Variants in DDAH1 observed in about 807,000 individuals in gnomAD.
The protein encoded by DDAH1 is dimethylarginine dimethylaminohydrolase 1, also known as N(G),N(G)-dimethylarginine dimethylaminohydrolase 1.
DDAH1 carries 19 observed loss-of-function variants against 28.8 expected under a neutral mutation model. The observed-to-expected ratio is 0.66, with a 90% CI of 0.46 to 0.97. The LOEUF (loss-of-function observed/expected upper bound fraction) is 0.97, where lower values mean the gene tolerates loss of function less well. DDAH1 is among the 50% of genes least tolerant of loss of function. The pLI, the probability that DDAH1 is intolerant of heterozygous loss-of-function variation, is 0.00. For synonymous variants in DDAH1, 153 were observed against 154.4 expected, an observed-to-expected ratio of 0.99 and a Z score of 0.07; for missense variants, 326 against 375.9, an observed-to-expected ratio of 0.87 and a Z score of 1.10.
intron 2 of DDAH1, chr1:85,495,317 A>G (rs1656550460): frequency 6.6e-6 from 1 of 152,220 alleles, no homozygotes; most frequent in South Asian, 2.1e-4. Flanking sequence ...TGTTATTCCA[A>G]GCAAAGTCAT....
chr1:85,360,656 T>G (rs1405536272), intron 1 of DDAH1, among the ~76,000 whole-genome samples: 2 of 152,190 alleles, frequency 1.3e-5, no homozygotes, highest in African/African-American at 4.8e-5. Context: ...ATAACATAAA[T>G]TTTGGTTTGA....
chr1:85,440,022 A>G (rs604974), intron 1 of DDAH1, among the ~76,000 whole-genome samples: 124,414 of 152,074 alleles, frequency 0.82, 51,081 homozygotes, highest in Middle Eastern at 0.91. Flanking sequence ...TTCTACTTGG[A>G]AACCTGGATG....
chr1:85,346,336 T>C (rs1481694708), intron 4 of DDAH1, among the ~76,000 whole-genome samples: 1 of 152,020 alleles, frequency 6.6e-6, no homozygotes, highest in Non-Finnish European at 1.5e-5. Flanking sequence ...AAAATAAATA[T>C]CTGGTACCAA....
intron 1 of DDAH1, chr1:85,399,957 G>T (rs1335391819): frequency 1.3e-5 from 2 of 152,054 alleles, no homozygotes; most frequent in African/African-American, 4.8e-5. Flanking sequence ...AGCCAACCGT[G>T]ATCTTTAAAA....
intron 1 of DDAH1, among the ~76,000 whole-genome samples, chr1:85,409,648 GCTAC>G (rs1245529479): frequency 6.6e-6 from 1 of 152,060 alleles, no homozygotes; most frequent in Non-Finnish European, 1.5e-5. Context: ...TTGGTAAAGG[GCTAC>G]CTGACTTCCA....
At chr1:85,490,910 T>C (rs1026774488) in intron 2 of DDAH1, among the ~76,000 whole-genome samples, 4 of 152,222 alleles carry the variant, frequency 2.6e-5, no homozygotes, top group African/African-American at 7.2e-5. Context: ...TCTGAGATTC[T>C]GGCCTCTTGG....
At chr1:85,378,758 A>G (rs1650814985) in intron 1 of DDAH1, among the ~76,000 whole-genome samples, 1 of 152,158 alleles carries the variant, frequency 6.6e-6, no homozygotes, top group Admixed American at 6.6e-5. Flanking sequence ...GAAATGCCCT[A>G]TTCTATTCTT....
intron 1 of DDAH1, among the ~76,000 whole-genome samples, chr1:85,459,002 T>C (rs1427960173): frequency 2.0e-5 from 3 of 152,204 alleles, no homozygotes; most frequent in Admixed American, 6.5e-5. Context: ...AATTAATAAC[T>C]AGCACTCATT....
At chr1:85,478,070 T>C (rs1292286595) in intron 2 of DDAH1, among the ~76,000 whole-genome samples, 1 of 152,042 alleles carries the variant, frequency 6.6e-6, no homozygotes, top group Non-Finnish European at 1.5e-5. Flanking sequence ...TTTTCAAAAA[T>C]ATAGGGAAAA....
chr1:85,390,248 G>A (rs749838909), intron 1 of DDAH1, among the ~76,000 whole-genome samples: 3 of 152,126 alleles, frequency 2.0e-5, no homozygotes, highest in Non-Finnish European at 4.4e-5. Context: ...GGGTCCCTTG[G>A]TAATGGCCAA....
intron 1 of DDAH1, among the ~76,000 whole-genome samples, chr1:85,551,489 T>G (rs955260843): frequency 6.6e-6 from 1 of 152,176 alleles, no homozygotes; most frequent in Admixed American, 6.6e-5. Flanking sequence ...AGTGTTAGGA[T>G]TTCTAGATCA....
chr1:85,476,392 C>T (rs1655806507), intron 2 of DDAH1, among the ~76,000 whole-genome samples: 1 of 152,178 alleles, frequency 6.6e-6, no homozygotes, highest in Non-Finnish European at 1.5e-5. Flanking sequence ...CTCTGATCCA[C>T]ATGGAGTCCA....
At chr1:85,391,481 A>C (rs902672044) in intron 1 of DDAH1, among the ~76,000 whole-genome samples, 2 of 152,132 alleles carry the variant, frequency 1.3e-5, no homozygotes, top group African/African-American at 4.8e-5. Context: ...TAAATAAATA[A>C]ATATAGAAAA....
chr1:85,514,527 TAA>T (rs34215001), intron 1 of DDAH1, among the ~76,000 whole-genome samples: 8,434 of 126,698 alleles, frequency 0.067, 238 homozygotes, highest in South Asian at 0.12. Context: ...CTTAAAGCAT[TAA>T]AAAAAAAAAA....
chr1:85,331,080 C>T (rs1263349355), intron 4 of DDAH1, among the ~76,000 whole-genome samples: 3 of 152,298 alleles, frequency 2.0e-5, no homozygotes, highest in Admixed American at 6.5e-5. Context: ...CAGGGTGGAG[C>T]TGTCACAAAA....
chr1:85,345,213 G>A (rs12724149), intron 4 of DDAH1, among the ~76,000 whole-genome samples: 185 of 152,148 alleles, frequency 1.2e-3, no homozygotes, highest in Non-Finnish European at 2.3e-3. Context: ...GGGGGGGTTG[G>A]CTTCTTTTGT....
rs570382741 is a variant in DDAH1, at chr1:85,534,370, A to G, written c.-122-38089T>C. On this transcript the variant is annotated intron_variant, in intron 1 of 6. Coordinates refer to the DDAH1 transcript ENST00000426972. Reference sequence around the variant, plus strand: ...AGAAAAAGATGTTTAAAGATGAAGTAATATTTAACACATCCCTTATTTCTG... The same window carrying G: ...AGAAAAAGATGTTTAAAGATGAAGTGATATTTAACACATCCCTTATTTCTG... 1.4e-4 allele frequency among the ~76,000 whole-genome samples: 22 copies of G among 152,308 alleles called. 1 individual carries two copies. The highest frequency in any genetic ancestry group is 5.3e-4 in the African/African-American group (22 of 41,574).
chr1:85,509,264 A>G lies in DDAH1; in HGVS notation c.-122-12983T>C, dbSNP rs568974419. 1.2e-4 allele frequency among the ~76,000 whole-genome samples: 18 copies of G among 152,350 alleles called. No homozygotes were observed. In the East Asian group the frequency reaches 3.5e-3, roughly 29 times the overall value. ...TGCAGCTGAGGGACCTGACTCTTAG[A>G]AGGGAAACTAACAAACAGAAAGGAA... On this transcript the variant is annotated intron_variant, in intron 1 of 6. Coordinates refer to the DDAH1 transcript ENST00000426972.
chr1:85,451,041 C>T (rs912463456), intron 1 of DDAH1, among the ~76,000 whole-genome samples: 1 of 152,192 alleles, frequency 6.6e-6, no homozygotes, highest in Non-Finnish European at 1.5e-5. Context: ...AAGAGACCTG[C>T]CTGTAGAGTG....
Sources: allele counts gnomAD v4.1 joint callset (sites outside exome capture counted in the v4.1 genomes callset), GRCh38; gene constraint gnomAD v4.1.1; transcripts MANE v1.5; gene names NCBI Gene and HGNC (gene_info 2026-07-23, HGNC 2026-07-21).